Variants in THADA observed in about 807,000 individuals in gnomAD.
THADA encodes the protein THADA armadillo repeat containing.
In THADA, 213 loss-of-function variants were observed where a neutral mutation model predicts 219.8. The observed-to-expected ratio is 0.97, with a 90% CI of 0.87 to 1.09. The LOEUF is 1.09. Among genes scored for constraint, THADA ranks in the 50% least tolerant of loss-of-function variants. The pLI, the probability that THADA is intolerant of heterozygous loss-of-function variation, is 0.00. For missense variants in THADA, 2,956 were observed against 2,311.3 expected, an observed-to-expected ratio of 1.28 and a Z score of -5.72; for synonymous variants, 1,018 against 828.9, an observed-to-expected ratio of 1.23 and a Z score of -3.92.
chr2:43,402,587 A>C (rs745915643), intron 28 of THADA, among the ~76,000 whole-genome samples: 2 of 152,170 alleles, frequency 1.3e-5, no homozygotes, highest in Middle Eastern at 3.2e-3. Flanking sequence ...AAGTGGCTAT[A>C]CATCACCAAA....
chr2:43,587,214 G>T (rs1701118951), intron 4 of THADA, among the ~76,000 whole-genome samples: 1 of 152,022 alleles, frequency 6.6e-6, no homozygotes, highest in Non-Finnish European at 1.5e-5. Context: ...CCATCTCCCA[G>T]ATTATTCTCA....
chr2:43,353,069 A>T (rs1385644477), intron 29 of THADA, among the ~76,000 whole-genome samples: 1 of 152,232 alleles, frequency 6.6e-6, no homozygotes, highest in Non-Finnish European at 1.5e-5. Context: ...GCAAATGGCA[A>T]GATCTCCTCC....
chr2:43,281,221 C>G (rs1268105234), intron 35 of THADA, among the ~76,000 whole-genome samples: 1 of 152,152 alleles, frequency 6.6e-6, no homozygotes, highest in East Asian at 1.9e-4. Flanking sequence ...GGGTTTCGTT[C>G]TCTTCTTTTC....
At chr2:43,476,544 G>A (rs1418430470) in intron 26 of THADA, among the ~76,000 whole-genome samples, 2 of 152,176 alleles carry the variant, frequency 1.3e-5, no homozygotes, top group Non-Finnish European at 2.9e-5. Flanking sequence ...GCAGCCAAAA[G>A]GATTCTAGCT....
intron 21 of THADA, among the ~76,000 whole-genome samples, chr2:43,536,965 T>C (rs1229581224): frequency 3.9e-5 from 6 of 152,206 alleles, no homozygotes; most frequent in Non-Finnish European, 7.4e-5. Flanking sequence ...TATAAAGTAG[T>C]GAGCCTTAAT....
At chr2:43,481,268 C>T (rs1158079682) in intron 26 of THADA, among the ~76,000 whole-genome samples, 1 of 152,128 alleles carries the variant, frequency 6.6e-6, no homozygotes, top group East Asian at 1.9e-4. Context: ...AAAATAAATA[C>T]AATTTAACAT....
rs187371509 is a variant in THADA at position 43,442,911 on chromosome 2, C to T, written c.3837-12609G>A. ...TCCACTCTCCGCCTCTGCTGCCCAC[C>T]GCACCCCTCCTGTCAGACTAACTCC... On this transcript the variant is annotated intron_variant, in intron 26 of 37. Transcript: ENST00000405975. Among the ~76,000 whole-genome samples the T allele has an allele frequency of 5.9e-5, 9 of 152,264 alleles. No homozygotes were observed. The East Asian group carries it at 1.2e-3, about 20-fold the overall frequency.
In THADA at chr2:43,322,717, T is replaced by A. The variant is rs1678883767; in HGVS notation, c.4344-2177A>T. On this transcript the variant is annotated intron_variant, in intron 30 of 37. Coordinates refer to ENST00000405975, the MANE Select transcript of THADA (RefSeq NM_022065.5). ...TTTTTTTTTTTTGAGACGGAGTCTCTCTCTGTCACCCAGGCTGGAGTGCAG... is the reference window on the plus strand; with the variant it reads ...TTTTTTTTTTTTGAGACGGAGTCTCACTCTGTCACCCAGGCTGGAGTGCAG... 2.5e-5 allele frequency among the ~76,000 whole-genome samples: 3 copies of A among 120,324 alleles called. No homozygotes were observed. The Admixed American group carries it at 2.8e-4, about 11-fold the overall frequency. 78.9% of individuals were successfully genotyped at this position (120,324 alleles called of 152,430 possible).
intron 31 of THADA, among the ~76,000 whole-genome samples, chr2:43,315,449 A>G (rs1460559001): frequency 6.6e-6 from 1 of 151,878 alleles, no homozygotes; most frequent in Non-Finnish European, 1.5e-5. Context: ...CTCCAGTTAC[A>G]TTCTTTTTTT....
At chr2:43,347,033 G>A (rs1366299812) in intron 29 of THADA, among the ~76,000 whole-genome samples, 4 of 152,220 alleles carry the variant, frequency 2.6e-5, no homozygotes, top group African/African-American at 4.8e-5. Flanking sequence ...GGAGTGGAAC[G>A]GAGAGCTGAA....
chr2:43,241,300 G>C (rs1553349357), intron 36 of THADA, among the ~76,000 whole-genome samples: 1 of 151,784 alleles, frequency 6.6e-6, no homozygotes, highest in African/African-American at 2.4e-5. Flanking sequence ...CGTGGCCCAG[G>C]TTGGTCTTAA....
rs1370643170 is a variant in THADA, at chr2:43,397,980, T to A, written c.4218A>T (p.Thr1406=). 2 of 1,613,888 alleles carry A rather than the reference T, an allele frequency of 1.2e-6. No individual in the cohort carries two copies. The highest frequency in any genetic ancestry group is 1.7e-6 in the Non-Finnish European group (2 of 1,179,788). ...QCFRQNHIHG[T]LLQVFHLLQA... Reference sequence around the variant, plus strand: ...AAGCAACTTTACTTACCTGGAGAAGTGTCCCATGAATGTGGTTTTGCCGGA... The same window carrying A: ...AAGCAACTTTACTTACCTGGAGAAGAGTCCCATGAATGTGGTTTTGCCGGA... Residue 1406 remains threonine (T), a synonymous_variant, in exon 29 of 38, where the codon ACA becomes ACT. Transcript: ENST00000405975.
chr2:43,495,881 T>C (rs1688217114), intron 25 of THADA, among the ~76,000 whole-genome samples: 2 of 152,204 alleles, frequency 1.3e-5, no homozygotes, highest in Admixed American at 6.5e-5. Flanking sequence ...CCTGTAAGTA[T>C]AAAAGGTAAA....
intron 4 of THADA, among the ~76,000 whole-genome samples, chr2:43,590,415 C>T (rs1347522660): frequency 6.6e-6 from 1 of 152,096 alleles, no homozygotes; most frequent in African/African-American, 2.4e-5. Context: ...CAGTGGCTCA[C>T]ACCTGTAATC....
intron 36 of THADA, among the ~76,000 whole-genome samples, chr2:43,258,291 G>A (rs1670549601): frequency 6.6e-6 from 1 of 152,218 alleles, no homozygotes; most frequent in African/African-American, 2.4e-5. Flanking sequence ...GGGAGGCTGA[G>A]GTGGGCGGAT....
intron 21 of THADA, among the ~76,000 whole-genome samples, chr2:43,539,829 T>C (rs1194697794): frequency 6.6e-6 from 1 of 152,150 alleles, no homozygotes; most frequent in African/African-American, 2.4e-5. Context: ...ACATCTCTTA[T>C]TTTACATTAA....
intron 29 of THADA, among the ~76,000 whole-genome samples, chr2:43,351,129 G>C (rs558566337): frequency 6.6e-6 from 1 of 152,100 alleles, no homozygotes; most frequent in East Asian, 1.9e-4. Flanking sequence ...TAACTGCCTG[G>C]TCTCTGCCTC....
chr2:43,342,659 C>G (rs6722694), intron 30 of THADA, among the ~76,000 whole-genome samples: 42,407 of 152,118 alleles, frequency 0.28, 6,926 homozygotes, highest in African/African-American at 0.45. Context: ...CCTCTTCTGG[C>G]GTAATGCTGT....
chr2:43,515,263 A>AATATATAATATATT lies in THADA; in HGVS notation c.3375-6484_3375-6483insAATATATTATATAT, dbSNP rs1691474186. Among the ~76,000 whole-genome samples, 4 of 20,280 alleles carry AATATATAATATATT rather than the reference A, an allele frequency of 2.0e-4. 1 individual carries two copies. Among genetic ancestry groups the AATATATAATATATT allele is most frequent in the African/African-American group, 6.9e-4 (4 of 5,832 alleles). 13.3% of individuals were successfully genotyped at this position (20,280 alleles called of 152,430 possible). A position where few individuals can be genotyped will look rare whatever the true frequency, so the allele number is the denominator to read the frequency against. On this transcript the variant is annotated intron_variant, in intron 22 of 37. Coordinates refer to ENST00000405975, the MANE Select transcript of THADA (RefSeq NM_022065.5). ...ATATAATATATTATATATAATATATAATATATAATATATAATATATTATAT... is the reference window on the plus strand; with the variant it reads ...ATATAATATATTATATATAATATATAATATATAATATATTATATATAATATATAATATATTATAT...
Sources: gnomAD v4.1 joint callset for allele counts (sites outside exome capture counted in the v4.1 genomes callset) on GRCh38, gnomAD v4.1.1 for gene constraint, MANE v1.5 for transcripts, NCBI Gene and HGNC (gene_info 2026-07-23, HGNC 2026-07-21) for gene names.